SHISA5: variants seen among roughly 807,000 people sequenced by gnomAD.
The protein encoded by SHISA5 is protein shisa-5.
SHISA5 carries 21 observed loss-of-function variants against 27.5 expected under a neutral mutation model. That is an observed-to-expected ratio of 0.76 (90% confidence interval 0.54 to 1.10). SHISA5 has a LOEUF of 1.10. Ranked by LOEUF, SHISA5 falls within the 50% of genes least tolerant of loss-of-function variation. SHISA5 has a pLI of 0.00. For synonymous variants in SHISA5, 137 were observed against 142.2 expected (o/e 0.96, Z 0.26); for missense variants, 314 against 336.3 (o/e 0.93, Z 0.52).
At chr3:48,472,513 A>G (rs181382510) in intron 3 of SHISA5, among the ~76,000 whole-genome samples, 6 of 152,312 alleles carry the variant, frequency 3.9e-5, no homozygotes, top group East Asian at 1.9e-4. Flanking sequence ...ATAAAAAATA[A>G]TAAGTTTTTT....
chr3:48,477,387 C>T (rs1344533194), intron 3 of SHISA5, among the ~76,000 whole-genome samples: 4 of 152,122 alleles, frequency 2.6e-5, no homozygotes, highest in South Asian at 2.1e-4. Flanking sequence ...TTAGCCACCA[C>T]GCCCGGCCTC....
intron 3 of SHISA5, among the ~76,000 whole-genome samples, chr3:48,474,512 T>C (rs2040755686): frequency 6.6e-6 from 1 of 151,776 alleles, no homozygotes; most frequent in South Asian, 2.1e-4. Flanking sequence ...AATTTGTGTA[T>C]TTTTAGTAGA....
At chr3:48,504,288 G>A (rs1055480044), upstream of SHISA5, 24 of 369,064 alleles carry the variant, frequency 6.5e-5, no homozygotes, top group East Asian at 9.5e-4. The surrounding 1 kb of genome is among the most constrained non-coding windows in gnomAD (Gnocchi z 4.0). Flanking sequence ...GAAGGTGGAA[G>A]GAGGAGGAAG....
chr3:48,482,338 C>T (rs1380517605), intron 2 of SHISA5, among the ~76,000 whole-genome samples: 1 of 145,804 alleles, frequency 6.9e-6, no homozygotes, highest in Non-Finnish European at 1.5e-5. Flanking sequence ...CCAGGAGTTC[C>T]AGGCTGCAGT....
Position 48,469,282 on chromosome 3 carries a change from T to G in SHISA5, c.643+79A>C. Reference sequence around the variant, plus strand: ...AGGGGCAGAGGCCTGTTGAGTGATGTAGTTTGGGATGGGTGCCCGAGGGAT... The same window carrying G: ...AGGGGCAGAGGCCTGTTGAGTGATGGAGTTTGGGATGGGTGCCCGAGGGAT... On this transcript the variant is annotated intron_variant, in intron 5 of 5. Coordinates refer to ENST00000296444, the MANE Select transcript of SHISA5 (RefSeq NM_016479.6). This position sits in a 1 kb window ranked among gnomAD's most constrained non-coding sequence, Gnocchi z 4.6. The G allele has an allele frequency of 2.5e-6, 4 of 1,570,482 alleles. No homozygotes were observed. Among genetic ancestry groups the G allele is most frequent in the Non-Finnish European group, 2.6e-6 (3 of 1,157,656 alleles).
intron 3 of SHISA5, chr3:48,477,013 C>T (rs561755273): frequency 2.1e-5 from 9 of 436,550 alleles, no homozygotes; most frequent in South Asian, 4.9e-5. Flanking sequence ...CTGCCACAAC[C>T]CCAGGAAGCC....
At chr3:48,484,246 T>C (rs998589195) in intron 2 of SHISA5, among the ~76,000 whole-genome samples, 1 of 152,196 alleles carries the variant, frequency 6.6e-6, no homozygotes, top group African/African-American at 2.4e-5. Flanking sequence ...TTATAAACAA[T>C]TATACCCTAA....
At chr3:48,504,310 A>T, upstream of SHISA5, 1 of 360,418 alleles carries the variant, frequency 2.8e-6, no homozygotes, top group Non-Finnish European at 5.0e-6. This position sits in a 1 kb window ranked among gnomAD's most constrained non-coding sequence, Gnocchi z 4.0. Context: ...AAGGAAGCGG[A>T]CGACTTCCCA....
At chr3:48,484,973 C>T (rs919377463) in intron 2 of SHISA5, among the ~76,000 whole-genome samples, 4 of 152,102 alleles carry the variant, frequency 2.6e-5, no homozygotes, top group African/African-American at 7.2e-5. Context: ...GCTAGAGAAT[C>T]GCTTGAGCAC....
intron 2 of SHISA5, among the ~76,000 whole-genome samples, chr3:48,485,510 T>C (rs1392853116): frequency 7.1e-6 from 1 of 140,012 alleles, no homozygotes; most frequent in Non-Finnish European, 1.5e-5. Context: ...TCAAAAAATA[T>C]ATATTTTTAT....
chr3:48,474,109 G>T (rs1052287942), intron 3 of SHISA5, among the ~76,000 whole-genome samples: 1 of 151,400 alleles, frequency 6.6e-6, no homozygotes, highest in East Asian at 1.9e-4. Context: ...TTTTTTTGAG[G>T]CAGGGTCTCA....
chr3:48,479,364 G>A (rs930597492), intron 2 of SHISA5, 107 bp from the exon 3 acceptor site: 3 of 1,126,156 alleles, frequency 2.7e-6, no homozygotes, highest in Non-Finnish European at 3.8e-6. Context: ...CTATGAACCG[G>A]TGGCTTCAAT....
chr3:48,471,202 C>T (rs183488928), intron 3 of SHISA5, among the ~76,000 whole-genome samples: 3 of 152,152 alleles, frequency 2.0e-5, no homozygotes, highest in African/African-American at 4.8e-5. Flanking sequence ...TTTGCAGAGA[C>T]AGGGGTCTCA....
intron 2 of SHISA5, 24 bp downstream of exon 2, chr3:48,501,113 C>A (rs2041739433): frequency 6.3e-7 from 1 of 1,597,872 alleles, no homozygotes; most frequent in Non-Finnish European, 8.5e-7. Flanking sequence ...AGCCACCCAC[C>A]CTGTGACCCA....
intron 2 of SHISA5, chr3:48,479,604 T>G (rs79110468): frequency 4.1e-6 from 1 of 241,948 alleles, no homozygotes. Flanking sequence ...AATTTTTTTT[T>G]GTTTTTGAGA....
intron 2 of SHISA5, among the ~76,000 whole-genome samples, chr3:48,479,966 C>T (rs904506894): frequency 1.3e-5 from 2 of 150,392 alleles, no homozygotes; most frequent in African/African-American, 2.5e-5. Context: ...TGCGGTGGCG[C>T]GATCTCGGCT....
chr3:48,472,098 G>C (rs568770700), intron 3 of SHISA5, among the ~76,000 whole-genome samples: 4 of 151,060 alleles, frequency 2.6e-5, no homozygotes, highest in Non-Finnish European at 5.9e-5. Context: ...CAGGAGAATC[G>C]CTTGAACCAA....
rs1380095466 is a variant in SHISA5 at position 48,501,215 on chromosome 3, C to T, written c.155G>A (p.Cys52Tyr). Residue 52 changes from cysteine to tyrosine, a missense_variant, in exon 2 of 6, where the codon TGT becomes TAT. Physicochemically the swap from Cys to Tyr is radical, Grantham distance 194. Coordinates refer to ENST00000296444, the MANE Select transcript of SHISA5 (RefSeq NM_016479.6). ...ESCPDFCCGTCDDQYCCSDVL... is the reference protein window; with the variant it reads ...ESCPDFCCGTYDDQYCCSDVL... ...GTCAGAGCAGCAGTATTGGTCATCA[C>T]AGGTACCACAGCAGAAATCTGGACA... is the stretch of plus-strand genomic sequence containing the variant. 6.2e-7 allele frequency: 1 copy of T among 1,614,176 alleles called. No individual in the cohort carries two copies. Among genetic ancestry groups the T allele is most frequent in the Admixed American group, 1.7e-5 (1 of 60,010 alleles).
In SHISA5 at chr3:48,468,454, C is replaced by A. The variant is rs2040440517; in HGVS notation, c.*653G>T. 5.1e-6 allele frequency: 6 copies of A among 1,167,094 alleles called. No homozygotes were observed. The highest frequency in any genetic ancestry group is 5.4e-6 in the Non-Finnish European group (5 of 933,002). 72.3% of individuals were successfully genotyped at this position (1,167,094 alleles called of 1,614,324 possible). A position where few individuals can be genotyped will look rare whatever the true frequency, so the allele number is the denominator to read the frequency against. On this transcript the variant is annotated 3_prime_UTR_variant, in exon 6 of 6. Transcript: ENST00000296444. ...GGACAGTCCAGGCAGACAGGTACAG[C>A]TGAGTAGGGCTCTGCCTGAGGTGTT... is the stretch of plus-strand genomic sequence containing the variant.
Sources: gnomAD v4.1 joint callset for allele counts (sites outside exome capture counted in the v4.1 genomes callset) on GRCh38, gnomAD v4.1.1 for gene constraint, Gnocchi (gnomAD v3.1) non-coding constraint, MANE v1.5 for transcripts, NCBI Gene and HGNC (gene_info 2026-07-23, HGNC 2026-07-21) for gene names.